RBFOX1: variants seen among roughly 807,000 people sequenced by gnomAD.
The protein encoded by RBFOX1 is RNA binding fox-1 homolog 1.
RBFOX1 carries 8 observed loss-of-function variants against 57.7 expected under a neutral mutation model. The observed-to-expected ratio is 0.14, with a 90% CI of 0.08 to 0.25. The LOEUF is 0.25. Among genes scored for constraint, RBFOX1 ranks in the 10% least tolerant of loss-of-function variants. The pLI, the probability that RBFOX1 is intolerant of heterozygous loss-of-function variation, is 1.00. For synonymous variants in RBFOX1, 326 were observed against 222.4 expected (o/e 1.47, Z -4.15); for missense variants, 611 against 548.5 (o/e 1.11, Z -1.14).
chr16:6,197,958 G>T (rs1310642341), intron 1 of RBFOX1, among the ~76,000 whole-genome samples: 1 of 152,170 alleles, frequency 6.6e-6, no homozygotes, highest in East Asian at 1.9e-4. Context: ...CTACATCCAT[G>T]TTGCTGCAAA....
chr16:7,148,609 C>T (rs1006774215), intron 4 of RBFOX1, among the ~76,000 whole-genome samples: 2 of 152,234 alleles, frequency 1.3e-5, no homozygotes, highest in African/African-American at 2.4e-5. Flanking sequence ...TCTAACAATT[C>T]ACCCTTTCCC....
intron 2 of RBFOX1, among the ~76,000 whole-genome samples, chr16:6,362,894 C>T (rs547758659): frequency 1.1e-4 from 17 of 152,324 alleles, no homozygotes; most frequent in African/African-American, 3.4e-4. Context: ...AGGTAGTTGT[C>T]TCTTGAATGT....
intron 2 of RBFOX1, among the ~76,000 whole-genome samples, chr16:6,557,450 CTAATTTATT>C (rs2097121533): frequency 6.6e-6 from 1 of 152,120 alleles, no homozygotes. Context: ...CACAATTTCT[CTAATTTATT>C]ACATTGTCAT....
intron 2 of RBFOX1, among the ~76,000 whole-genome samples, chr16:5,502,052 A>AG (rs1567168555): frequency 3.5e-5 from 5 of 144,648 alleles, no homozygotes; most frequent in Non-Finnish European, 5.9e-5. Context: ...ATTATTATTA[A>AG]TTGTTATGAT....
intron 4 of RBFOX1, among the ~76,000 whole-genome samples, chr16:6,001,372 A>G (rs757624458): frequency 6.6e-6 from 1 of 152,198 alleles, no homozygotes; most frequent in Non-Finnish European, 1.5e-5. Context: ...GAAACCACCA[A>G]TGGTGTGTGG....
chr16:5,707,830 G>A (rs754175062), intron 3 of RBFOX1, among the ~76,000 whole-genome samples: 1 of 152,210 alleles, frequency 6.6e-6, no homozygotes, highest in Non-Finnish European at 1.5e-5. Context: ...TATTAGGAAG[G>A]AAGTAGAGTA....
chr16:7,229,314 T>C (rs1055584657), intron 4 of RBFOX1, among the ~76,000 whole-genome samples: 1 of 152,186 alleles, frequency 6.6e-6, no homozygotes, highest in African/African-American at 2.4e-5. Context: ...GGCCCAAATT[T>C]CCTTTAAAAA....
chr16:7,264,530 T>A (rs1037162522), intron 4 of RBFOX1, among the ~76,000 whole-genome samples: 16 of 152,196 alleles, frequency 1.1e-4, no homozygotes, highest in African/African-American at 3.4e-4. Context: ...ACGTAGTCTC[T>A]GCCACAAGTA....
At chr16:5,867,274 A>G in intron 3 of RBFOX1, 3 of 1,171,582 alleles carry the variant, frequency 2.6e-6, no homozygotes, top group Non-Finnish European at 3.2e-6. Context: ...TTGAATCAAT[A>G]CTAATGTCTT....
rs1428196142 is a variant in RBFOX1, at chr16:5,596,350, C to A, written c.259-2552C>A. ...TAATTTTGACTCAAACCTAATTTTA[C>A]CTTCCTAAGGCTGGTGGTTGCTACG... On this transcript the variant is annotated intron_variant, in intron 2 of 2. Transcript: ENST00000585867. Among the ~76,000 whole-genome samples the A allele has an allele frequency of 3.3e-5, 5 of 152,188 alleles. No individual in the cohort carries two copies. The East Asian group carries it at 9.6e-4, about 29-fold the overall frequency.
intron 4 of RBFOX1, among the ~76,000 whole-genome samples, chr16:7,059,789 G>C (rs762977996): frequency 6.6e-6 from 1 of 152,034 alleles, no homozygotes; most frequent in Non-Finnish European, 1.5e-5. Flanking sequence ...AGAGTCAGTT[G>C]TATTTGTTCC....
intron 2 of RBFOX1, among the ~76,000 whole-genome samples, chr16:6,551,717 G>A (rs962426194): frequency 2.0e-5 from 3 of 152,200 alleles, no homozygotes; most frequent in Non-Finnish European, 2.9e-5. Flanking sequence ...AATGAATAAT[G>A]TATCCATGTC....
At chr16:6,108,815 C>G (rs2096411860) in intron 1 of RBFOX1, among the ~76,000 whole-genome samples, 5 of 152,148 alleles carry the variant, frequency 3.3e-5, no homozygotes, top group Admixed American at 2.0e-4. Flanking sequence ...CCCATCTTCA[C>G]ATCACCTTTT....
chr16:7,166,620 C>A (rs890674426), intron 4 of RBFOX1, among the ~76,000 whole-genome samples: 1 of 152,094 alleles, frequency 6.6e-6, no homozygotes, highest in African/African-American at 2.4e-5. Context: ...CATGGACTGG[C>A]CCTCCTTCGA....
chr16:6,373,085 G>A (rs965078913), intron 2 of RBFOX1, among the ~76,000 whole-genome samples: 2 of 151,884 alleles, frequency 1.3e-5, no homozygotes, highest in Non-Finnish European at 2.9e-5. Flanking sequence ...TGATCACTGG[G>A]TAGGAGTATT....
rs1428590334 is a variant in RBFOX1 at position 6,207,695 on chromosome 16, AT to A, written c.-126-109297del. On this transcript the variant is annotated intron_variant, in intron 1 of 15. Coordinates refer to ENST00000550418, the MANE Select transcript of RBFOX1 (RefSeq NM_018723.4). ...GACAGTAGACATTTTATTTTATTTT[AT>A]TTATTTTTTGAGACAGGGCCTCACT... 2.0e-5 allele frequency among the ~76,000 whole-genome samples: 3 copies of A among 151,958 alleles called. No homozygotes were observed. In the South Asian group the frequency reaches 6.2e-4, roughly 32 times the overall value.
At chr16:6,248,097 C>G (rs1417171144) in intron 1 of RBFOX1, among the ~76,000 whole-genome samples, 1 of 152,182 alleles carries the variant, frequency 6.6e-6, no homozygotes, top group Non-Finnish European at 1.5e-5. Context: ...AGCCGTCTCT[C>G]TTTTATTCCT....
intron 3 of RBFOX1, among the ~76,000 whole-genome samples, chr16:6,807,186 G>T (rs1434601395): frequency 1.3e-5 from 2 of 151,976 alleles, no homozygotes; most frequent in Non-Finnish European, 2.9e-5. Context: ...ACAGATTGGA[G>T]ATTGGACAGG....
intron 2 of RBFOX1, among the ~76,000 whole-genome samples, chr16:6,580,096 T>G (rs558771789): frequency 1.3e-5 from 2 of 151,916 alleles, no homozygotes; most frequent in Admixed American, 1.3e-4. Context: ...GTAGCTGGGA[T>G]TACAGGTGCC....
Sources: gnomAD v4.1 joint callset for allele counts (sites outside exome capture counted in the v4.1 genomes callset) on GRCh38, gnomAD v4.1.1 for gene constraint, MANE v1.5 for transcripts, NCBI Gene and HGNC (gene_info 2026-07-23, HGNC 2026-07-21) for gene names.